FRMPD4: variants seen among roughly 807,000 people sequenced by gnomAD.
FRMPD4 encodes the protein FERM and PDZ domain-containing protein 4.
In FRMPD4, 22 loss-of-function variants were observed where a neutral mutation model predicts 94.1. The ratio of observed to expected loss-of-function variants is 0.23; its 90% CI spans 0.17 to 0.33. The LOEUF (loss-of-function observed/expected upper bound fraction) is 0.33, where lower values mean the gene tolerates loss of function less well. Ranked by LOEUF, FRMPD4 falls within the 10% of genes least tolerant of loss-of-function variation. FRMPD4 has a pLI of 1.00. For missense variants in FRMPD4, 1,111 were observed against 1,339.9 expected, an observed-to-expected ratio of 0.83 and a Z score of 2.67; for synonymous variants, 631 against 548.6, an observed-to-expected ratio of 1.15 and a Z score of -2.10.
At chrX:12,301,763 T>C (rs2054863065) in intron 1 of FRMPD4, among the ~76,000 whole-genome samples, 1 of 112,374 alleles carries the variant, frequency 8.9e-6, no homozygotes, top group Admixed American at 9.5e-5. Flanking sequence ...CAAATTCAGC[T>C]AACTTGTGAA....
At chrX:12,232,656 G>A (rs2023759) in intron 1 of FRMPD4, among the ~76,000 whole-genome samples, 19,558 of 111,064 alleles carry the variant, frequency 0.18, 1,651 homozygotes, top group East Asian at 0.53. Flanking sequence ...GGTTGGAGTA[G>A]GGAGGGGTCA....
intron 1 of FRMPD4, among the ~76,000 whole-genome samples, chrX:12,292,505 A>G (rs957670432): frequency 4.5e-5 from 5 of 110,864 alleles, no homozygotes; most frequent in African/African-American, 1.6e-4. Context: ...GTGCTTGTGT[A>G]TTCCATGTCA....
At chrX:12,526,224 A>G (rs1425987333) in intron 2 of FRMPD4, among the ~76,000 whole-genome samples, 4 of 111,917 alleles carry the variant, frequency 3.6e-5, no homozygotes, top group African/African-American at 1.3e-4. Context: ...TGACCAATTC[A>G]TCAAAGTATA....
intron 1 of FRMPD4, among the ~76,000 whole-genome samples, chrX:12,259,415 A>C (rs1439421891): frequency 9.0e-6 from 1 of 111,676 alleles, no homozygotes; most frequent in Non-Finnish European, 1.9e-5. Flanking sequence ...GGAGTGATGC[A>C]GCTGCAAGCC....
intron 3 of FRMPD4, among the ~76,000 whole-genome samples, chrX:11,982,169 A>C (rs752605177): frequency 9.2e-6 from 1 of 108,673 alleles, no homozygotes; most frequent in Non-Finnish European, 1.9e-5. Flanking sequence ...TTATTTCACT[A>C]TATTTTGGAA....
intron 10 of FRMPD4, among the ~76,000 whole-genome samples, chrX:12,703,333 T>C (rs2041820535): frequency 8.9e-6 from 1 of 112,466 alleles, no homozygotes; most frequent in Non-Finnish European, 1.9e-5. Context: ...ATGATACAAG[T>C]AGGATTACAA....
chrX:11,999,804 C>T (rs900690845), intron 3 of FRMPD4, among the ~76,000 whole-genome samples: 1 of 111,756 alleles, frequency 8.9e-6, no homozygotes, highest in Non-Finnish European at 1.9e-5. Context: ...ATAGAACACA[C>T]CAGCTCCCTC....
intron 2 of FRMPD4, among the ~76,000 whole-genome samples, chrX:12,563,052 C>T (rs961444077): frequency 1.8e-5 from 2 of 111,723 alleles, no homozygotes; most frequent in African/African-American, 6.5e-5. Context: ...ACAATATGGG[C>T]ACAGCCAAGT....
chrX:12,444,419 TGAGAA>T (rs66547207), intron 1 of FRMPD4, among the ~76,000 whole-genome samples: 5,980 of 111,379 alleles, frequency 0.054, 436 homozygotes, highest in African/African-American at 0.18. Context: ...CTTATGAGAA[TGAGAA>T]GAGAACTACC....
At chrX:12,716,000 C>CAG in intron 14 of FRMPD4, 69 bp from the exon 15 acceptor site, 1 of 334,684 alleles carries the variant, frequency 3.0e-6, no homozygotes, top group Non-Finnish European at 5.4e-6. Flanking sequence ...AGAGACGAGC[C>CAG]TCCCACCCCC....
intron 1 of FRMPD4, among the ~76,000 whole-genome samples, chrX:12,307,803 A>G (rs926057994): frequency 1.8e-5 from 2 of 111,959 alleles, no homozygotes; most frequent in South Asian, 7.5e-4. Flanking sequence ...AGGACCAATG[A>G]GCATAAGCAG....
At chrX:12,272,644 G>T (rs749812027) in intron 1 of FRMPD4, among the ~76,000 whole-genome samples, 1 of 112,039 alleles carries the variant, frequency 8.9e-6, no homozygotes, top group Non-Finnish European at 1.9e-5. Flanking sequence ...TGGCCTATTT[G>T]AAATCTGTAA....
intron 3 of FRMPD4, among the ~76,000 whole-genome samples, chrX:12,055,194 T>A (rs2054847396): frequency 8.9e-6 from 1 of 112,141 alleles, no homozygotes; most frequent in African/African-American, 3.2e-5. Context: ...GATAAGAGTT[T>A]GCCTGCTTTG....
At chrX:11,860,481 C>G (rs1268750723) in intron 1 of FRMPD4, among the ~76,000 whole-genome samples, 3 of 111,926 alleles carry the variant, frequency 2.7e-5, no homozygotes, top group Non-Finnish European at 5.6e-5. Context: ...TGATTATCAT[C>G]AAAGTTCCCT....
At chrX:12,109,548 G>A (rs1293251625) in intron 3 of FRMPD4, among the ~76,000 whole-genome samples, 1 of 111,623 alleles carries the variant, frequency 9.0e-6, no homozygotes, top group African/African-American at 3.3e-5. Context: ...TGAAAAGCTA[G>A]CAGAAGGTGA....
At chrX:12,424,508 G>T (rs1361034776) in intron 1 of FRMPD4, among the ~76,000 whole-genome samples, 2 of 112,565 alleles carry the variant, frequency 1.8e-5, no homozygotes, top group African/African-American at 6.5e-5. Flanking sequence ...CTAGAGCAGT[G>T]CTTATCAAAC....
chrX:12,493,410 G>T (rs1362853911), intron 1 of FRMPD4, among the ~76,000 whole-genome samples: 1 of 111,492 alleles, frequency 9.0e-6, no homozygotes, highest in African/African-American at 3.3e-5. Context: ...TGTTAGACCT[G>T]TATAGTATCA....
intron 3 of FRMPD4, among the ~76,000 whole-genome samples, chrX:11,954,688 C>G (rs1411983057): frequency 9.0e-6 from 1 of 111,288 alleles, no homozygotes; most frequent in Non-Finnish European, 1.9e-5. Context: ...GAAATCCTTT[C>G]TAATATCATC....
Position 12,176,311 on chromosome X carries a change from A to G in FRMPD4, c.41+37299A>G, listed in dbSNP as rs375914027. Among the ~76,000 whole-genome samples the G allele has an allele frequency of 1.1e-4, 12 of 111,997 alleles. No homozygotes were observed. The East Asian group carries it at 3.3e-3, about 31-fold the overall frequency. On this transcript the variant is annotated intron_variant, in intron 1 of 16. Coordinates refer to ENST00000675598, the MANE Select transcript of FRMPD4 (RefSeq NM_001368397.1). ...TTAATAAATATAATTTCTCTCACTC[A>G]GCCATAGGCAAAATACTTCGTATTC...
Sources: gnomAD v4.1 joint callset for allele counts (sites outside exome capture counted in the v4.1 genomes callset) on GRCh38, gnomAD v4.1.1 for gene constraint, MANE v1.5 for transcripts, NCBI Gene and HGNC (gene_info 2026-07-23, HGNC 2026-07-21) for gene names.